The following DIP2B variants were observed in gnomAD, a reference collection of about 807,000 sequenced individuals.
DIP2B encodes the protein DIP2 acetate--CoA ligase B (putative).
In DIP2B, 76 loss-of-function variants were observed where a neutral mutation model predicts 198.0. The observed-to-expected ratio is 0.38, with a 90% CI of 0.32 to 0.46. The LOEUF is 0.46. DIP2B is among the 20% of genes least tolerant of loss of function. DIP2B has a pLI of 0.99. For synonymous variants in DIP2B, 701 were observed against 739.1 expected, an observed-to-expected ratio of 0.95 and a Z score of 0.84; for missense variants, 1,559 against 1,978.4, an observed-to-expected ratio of 0.79 and a Z score of 4.02.
intron 20 of DIP2B, 51 bp from the exon 21 acceptor site, chr12:50,706,487 G>A (rs1223725055): frequency 1.3e-6 from 2 of 1,592,098 alleles, no homozygotes; most frequent in Middle Eastern, 1.7e-4. Flanking sequence ...AAAGATGTCT[G>A]TTTTACTATT....
At chr12:50,602,353 C>T (rs1274559553) in intron 1 of DIP2B, among the ~76,000 whole-genome samples, 4 of 152,146 alleles carry the variant, frequency 2.6e-5, no homozygotes, top group Non-Finnish European at 5.9e-5. Context: ...ACTGCAGTCT[C>T]TGCCCCTGGG....
chr12:50,698,236 A>T, intron 17 of DIP2B, 92 bp from the exon 18 acceptor site: 1 of 1,467,648 alleles, frequency 6.8e-7, no homozygotes, highest in South Asian at 1.4e-5. Flanking sequence ...TTTTTTTGGT[A>T]TTGTAGCCAG....
At chr12:50,640,933 C>CT in intron 3 of DIP2B, 81 bp downstream of exon 3, 1 of 1,478,148 alleles carries the variant, frequency 6.8e-7, no homozygotes, top group Non-Finnish European at 9.0e-7. Context: ...GCTTCTAATA[C>CT]TTGTCTTTTT....
chr12:50,737,124 T>G lies in DIP2B; in HGVS notation c.4176+14T>G. On this transcript the variant is annotated intron_variant, in intron 35 of 37. Transcript: ENST00000301180. ...CACCTTGGAGAGGTTTGTAATAATT[T>G]TCATTTTTACTCTGAAAAGTCAGCA... 1 of 1,611,536 alleles carries G rather than the reference T, an allele frequency of 6.2e-7. No individual in the cohort carries two copies. The highest frequency in any genetic ancestry group is 8.5e-7 in the Non-Finnish European group (1 of 1,178,478).
intron 3 of DIP2B, among the ~76,000 whole-genome samples, chr12:50,651,310 T>G (rs957012840): frequency 6.6e-6 from 1 of 152,238 alleles, no homozygotes; most frequent in Admixed American, 6.5e-5. Context: ...GTTTCTGTGA[T>G]GTGCAGAAGT....
At chr12:50,642,580 G>A (rs959491836) in intron 3 of DIP2B, among the ~76,000 whole-genome samples, 10 of 152,202 alleles carry the variant, frequency 6.6e-5, no homozygotes, top group Non-Finnish European at 1.2e-4. Flanking sequence ...GAGGTCAGGA[G>A]TTCGAGACCA....
chr12:50,604,938 G>A (rs1056877070), intron 1 of DIP2B, among the ~76,000 whole-genome samples: 5 of 152,094 alleles, frequency 3.3e-5, no homozygotes, highest in Admixed American at 2.6e-4. Context: ...AGGATAGTAC[G>A]TAGCCGGTAT....
chr12:50,510,937 G>T (rs997515506), intron 1 of DIP2B, among the ~76,000 whole-genome samples: 1 of 136,940 alleles, frequency 7.3e-6, no homozygotes, highest in Non-Finnish European at 1.5e-5. Flanking sequence ...GAGCCACTGC[G>T]CCTGGCTTTC....
intron 1 of DIP2B, among the ~76,000 whole-genome samples, chr12:50,527,111 A>G (rs569588362): frequency 7.2e-5 from 11 of 152,356 alleles, no homozygotes; most frequent in African/African-American, 1.4e-4. Flanking sequence ...TGGTTTTTCA[A>G]CGTCTTTTCT....
intron 19 of DIP2B, among the ~76,000 whole-genome samples, chr12:50,701,884 G>C (rs879019967): frequency 6.6e-6 from 1 of 152,152 alleles, no homozygotes; most frequent in Admixed American, 6.5e-5. Context: ...AGGATTAACT[G>C]TAAAGCAAGT....
intron 1 of DIP2B, among the ~76,000 whole-genome samples, chr12:50,624,723 C>T (rs951442230): frequency 6.6e-6 from 1 of 152,216 alleles, no homozygotes; most frequent in African/African-American, 2.4e-5. Context: ...ATTCAAGCTA[C>T]TACTTACTCT....
chr12:50,657,298 T>C (rs1018081138), intron 3 of DIP2B, among the ~76,000 whole-genome samples: 1 of 150,566 alleles, frequency 6.6e-6, no homozygotes, highest in African/African-American at 2.4e-5. Context: ...AGTTGAAAGG[T>C]TGACAAAGTA....
At chr12:50,652,805 A>G (rs1270577304) in intron 3 of DIP2B, among the ~76,000 whole-genome samples, 2 of 152,152 alleles carry the variant, frequency 1.3e-5, no homozygotes, top group Admixed American at 6.5e-5. Context: ...GATGTTTTAC[A>G]GTTTTTAATG....
chr12:50,707,663 A>G (rs1177471590), intron 21 of DIP2B, among the ~76,000 whole-genome samples: 3 of 152,172 alleles, frequency 2.0e-5, no homozygotes, highest in Non-Finnish European at 4.4e-5. Context: ...GGAACCACAT[A>G]AACAGGGCAA....
At chr12:50,658,810 C>T (rs920970225) in intron 3 of DIP2B, among the ~76,000 whole-genome samples, 6 of 152,184 alleles carry the variant, frequency 3.9e-5, no homozygotes, top group South Asian at 2.1e-4. Context: ...AGAAGCTGGC[C>T]GGGCGTGGTG....
rs190181574 is a variant in DIP2B, at chr12:50,567,996, C to G, written c.101-57980C>G. 5.0e-3 allele frequency among the ~76,000 whole-genome samples: 768 copies of G among 152,186 alleles called. 9 individuals carry two copies. The highest frequency in any genetic ancestry group is 0.02 in the Middle Eastern group (6 of 294). On this transcript the variant is annotated intron_variant, in intron 1 of 37. Coordinates refer to ENST00000301180, the MANE Select transcript of DIP2B (RefSeq NM_173602.3). ...CATTGTGAGACTTTGGGTCCTATTA[C>G]AATCCTCTGGAGAATGTTGAGTTGT...
chr12:50,567,960 AT>A (rs1288470775), intron 1 of DIP2B, among the ~76,000 whole-genome samples: 1 of 152,156 alleles, frequency 6.6e-6, no homozygotes, highest in Admixed American at 6.6e-5. Context: ...TGTGGTTCAT[AT>A]TGAATATTAC....
At chr12:50,720,887 C>T (rs1389789627) in intron 25 of DIP2B, among the ~76,000 whole-genome samples, 1 of 152,106 alleles carries the variant, frequency 6.6e-6, no homozygotes, top group Non-Finnish European at 1.5e-5. Context: ...CTCTGTCGCC[C>T]AGGCATTGGC....
intron 1 of DIP2B, among the ~76,000 whole-genome samples, chr12:50,534,809 T>C (rs927156400): frequency 1.3e-5 from 2 of 152,218 alleles, no homozygotes; most frequent in African/African-American, 4.8e-5. Flanking sequence ...ATTTAACCTC[T>C]CCTATCCTTT....
Sources: allele counts gnomAD v4.1 joint callset (sites outside exome capture counted in the v4.1 genomes callset), GRCh38; gene constraint gnomAD v4.1.1; transcripts MANE v1.5; gene names NCBI Gene and HGNC (gene_info 2026-07-23, HGNC 2026-07-21).